DNAH2: variants seen among roughly 807,000 people sequenced by gnomAD.
DNAH2 encodes axonemal beta dynein heavy chain 2.
A neutral mutation model predicts 523.5 loss-of-function variants in DNAH2; 323 were observed. The ratio of observed to expected loss-of-function variants is 0.62; its 90% CI spans 0.56 to 0.68. The LOEUF is 0.68. Ranked by LOEUF, DNAH2 falls within the 30% of genes least tolerant of loss-of-function variation. The pLI is 0.00. For missense variants in DNAH2, 4,907 were observed against 5,701.5 expected (o/e 0.86, Z 4.49); for synonymous variants, 2,093 against 2,177.4 (o/e 0.96, Z 1.08).
intron 76 of DNAH2, 21 bp from the exon 77 acceptor site, chr17:7,824,516 G>T: frequency 6.6e-7 from 1 of 1,520,066 alleles, no homozygotes; most frequent in South Asian, 1.3e-5. Context: ...GATTCCCACT[G>T]ACCCTGGCAT....
intron 13 of DNAH2, 105 bp from the exon 14 acceptor site, chr17:7,758,390 A>G: frequency 7.2e-7 from 1 of 1,384,802 alleles, no homozygotes; most frequent in Non-Finnish European, 9.7e-7. Context: ...TCTAGAATCT[A>G]GACTAGTGGT....
chr17:7,794,363 G>A lies in DNAH2; in HGVS notation c.7674+5G>A. The A allele has an allele frequency of 6.2e-7, 1 of 1,603,740 alleles. No individual in the cohort carries two copies. The highest frequency in any genetic ancestry group is 8.5e-7 in the Non-Finnish European group (1 of 1,175,034). ...ATCAACATGACCTTCCCCACAGTGA[G>A]GACCTCATGGGGGCTGCAGGACGAG... On this transcript the variant is annotated splice_donor_5th_base_variant and intron_variant, in intron 49 of 85. Coordinates refer to ENST00000572933, the MANE Select transcript of DNAH2 (RefSeq NM_020877.5).
rs894266482 is a variant in DNAH2 at position 7,778,402 on chromosome 17, T to C, written c.5474T>C (p.Ile1825Thr). ...DLGKALGIYV[I>T]VVNCSEGLDY... Reference sequence around the variant, plus strand: ...GGCAAGGCCCTGGGCATATATGTCATTGTGGTCAACTGCTCTGAGGGCCTG... The same window carrying C: ...GGCAAGGCCCTGGGCATATATGTCACTGTGGTCAACTGCTCTGAGGGCCTG... The change falls in exon 35 of 86, where the codon ATT (isoleucine) becomes ACT (threonine). Residue 1825 changes from isoleucine to threonine, a missense_variant. This residue lies in a region of DNAH2 where 2,806 missense variants were observed against 3,190.8 expected (regional missense o/e 0.88). Transcript: ENST00000572933. The C allele has an allele frequency of 2.5e-6, 4 of 1,614,052 alleles. 1 individual carries two copies. The South Asian group carries it at 3.3e-5, about 13-fold the overall frequency.
rs1283429185 is a variant in DNAH2, at chr17:7,764,193, G to A, written c.3256G>A (p.Ala1086Thr). The A allele has an allele frequency of 1.3e-5, 21 of 1,614,050 alleles. No individual in the cohort carries two copies. The highest frequency in any genetic ancestry group is 1.6e-5 in the Non-Finnish European group (19 of 1,180,032). The change falls in exon 20 of 86, where the codon GCC becomes ACC. Residue 1086 changes from alanine (A) to threonine (T), a missense_variant. Physicochemically the swap from Ala to Thr is moderately conservative, Grantham distance 58 (BLOSUM62 0). Transcript: ENST00000572933. ...CGTGGATGCCCTGAAGCACGACTTG[G>A]CCAACGTGGAGACTCAGATCCCTCC... Reference protein sequence around the residue: ...QLVDALKHDLANVETQIPPIH... With the variant: ...QLVDALKHDLTNVETQIPPIH...
chr17:7,746,924 T>G (rs1030306782), intron 12 of DNAH2, among the ~76,000 whole-genome samples: 1 of 150,660 alleles, frequency 6.6e-6, no homozygotes, highest in African/African-American at 2.4e-5. Context: ...GAGGCGGAGG[T>G]TGCAGTGAGC....
Position 7,818,786 on chromosome 17 carries a change from T to C in DNAH2, c.10670+10T>C, listed in dbSNP as rs1177905688. On this transcript the variant is annotated intron_variant, in intron 70 of 85. Transcript: ENST00000572933. ...AGGATGAGATCCTGCGGTGAGGCCC[T>C]GCCTTCCCCTCCCACTGCCCCACGG... 2 of 1,613,836 alleles carry C rather than the reference T, an allele frequency of 1.2e-6. No individual in the cohort carries two copies. The highest frequency in any genetic ancestry group is 2.7e-5 in the African/African-American group (2 of 74,888).
At chr17:7,751,920 G>GGGGTAT (rs111751776) in intron 12 of DNAH2, among the ~76,000 whole-genome samples, 1 of 145,876 alleles carries the variant, frequency 6.9e-6, no homozygotes, top group African/African-American at 2.5e-5. Context: ...ATAGTTGTGG[G>GGGGTAT]GTGTGTGTGT....
chr17:7,823,377 A>G, intron 73 of DNAH2, 65 bp from the exon 74 acceptor site: 2 of 1,490,068 alleles, frequency 1.3e-6, no homozygotes, highest in South Asian at 1.2e-5. Context: ...GAGAGGAGAA[A>G]AAGATCACTC....
At position 7,733,001 on chromosome 17, in the gene DNAH2, G is replaced by A. The variant is rs1275819153; in HGVS notation, c.400-86G>A. On this transcript the variant is annotated intron_variant, in intron 4 of 85. Coordinates refer to ENST00000572933, the MANE Select transcript of DNAH2 (RefSeq NM_020877.5). ...GAAGGATCAGGATACCCTGAGGGAC[G>A]TGAGAAAGAACTCAGCCGGGCTTTT... 19 of 1,363,762 alleles carry A rather than the reference G, an allele frequency of 1.4e-5. No homozygotes were observed. In the East Asian group the frequency reaches 2.3e-4, roughly 17 times the overall value. The allele number at this position is 1,363,762 out of a possible 1,614,324, so 84.5% of individuals were successfully genotyped here. A position where few individuals can be genotyped will look rare whatever the true frequency, so the allele number is the denominator to read the frequency against.
Position 7,780,732 on chromosome 17 carries a change from C to T in DNAH2, c.5953C>T (p.Arg1985Cys), listed in dbSNP as rs911689759. The T allele has an allele frequency of 8.1e-6, 13 of 1,614,094 alleles. No individual in the cohort carries two copies. Among genetic ancestry groups the T allele is most frequent in the Middle Eastern group, 1.6e-4 (1 of 6,084 alleles). The change falls in exon 38 of 86, where the codon CGC becomes TGC. Residue 1985 changes from arginine to cysteine, a missense_variant. Coordinates refer to ENST00000572933, the MANE Select transcript of DNAH2 (RefSeq NM_020877.5). The surrounding 1 kb of genome is among the most constrained non-coding windows in gnomAD (Gnocchi z 4.4). ...FGLRALTSLL[R>C]YAGKKRRLQP... ...CCTGCGTGCCCTCACCTCCCTTCTG[C>T]GCTATGCTGGCAAGAAGCGCCGCCT...
At chr17:7,806,009 TGTAA>T (rs1473784675) in intron 61 of DNAH2, among the ~76,000 whole-genome samples, 2 of 152,244 alleles carry the variant, frequency 1.3e-5, no homozygotes, top group African/African-American at 2.4e-5. Context: ...ATTATTTGGT[TGTAA>T]GTAACAGAAA....
intron 61 of DNAH2, among the ~76,000 whole-genome samples, chr17:7,806,658 C>CAAAAAAAAAA (rs66460228): frequency 1.7e-5 from 1 of 60,564 alleles, no homozygotes; most frequent in African/African-American, 6.4e-5. Flanking sequence ...CACTCCATCT[C>CAAAAAAAAAA]AAAAAAAAAA....
Position 7,804,354 on chromosome 17 carries a change from T to A in DNAH2, c.9071T>A (p.Met3024Lys). Reference sequence around the variant, plus strand: ...GAAACTAGGGAAAAGGTGCAAGTGATGTCGTTGGAGCTGGAGGATGCCAAG... The same window carrying A: ...GAAACTAGGGAAAAGGTGCAAGTGAAGTCGTTGGAGCTGGAGGATGCCAAG... ...IDETREKVQV[M>K]SLELEDAKKK... is the part of the protein sequence containing the mutation. Residue 3024 changes from methionine to lysine, a missense_variant, in exon 59 of 86, where the codon ATG becomes AAG. By Grantham distance (95) the Met-to-Lys change is moderately conservative. This residue lies in a region of DNAH2 where 1,851 missense variants were observed against 2,139.4 expected (regional missense o/e 0.87). Transcript: ENST00000572933. The A allele has an allele frequency of 1.2e-6, 2 of 1,614,128 alleles. No individual in the cohort carries two copies. Among genetic ancestry groups the A allele is most frequent in the Non-Finnish European group, 1.7e-6 (2 of 1,180,020 alleles).
intron 12 of DNAH2, 75 bp from the exon 13 acceptor site, chr17:7,757,016 C>G: frequency 6.3e-7 from 1 of 1,592,772 alleles, no homozygotes; most frequent in Middle Eastern, 1.9e-4. Flanking sequence ...TTCCCAGCCT[C>G]TCCACCTGTT....
chr17:7,815,749 C>T (rs537693868), intron 63 of DNAH2, among the ~76,000 whole-genome samples: 1 of 151,884 alleles, frequency 6.6e-6, no homozygotes, highest in Non-Finnish European at 1.5e-5. Context: ...CACACATATA[C>T]AGGATCACAC....
At chr17:7,719,980 G>T in intron 2 of DNAH2, 80 bp downstream of exon 2, 5 of 1,416,726 alleles carry the variant, frequency 3.5e-6, no homozygotes, top group Non-Finnish European at 4.6e-6. Context: ...TTTTAGGGCT[G>T]GGGAGCAGGC....
chr17:7,784,076 T>C (rs2076672925), intron 39 of DNAH2, among the ~76,000 whole-genome samples: 1 of 152,122 alleles, frequency 6.6e-6, no homozygotes. Flanking sequence ...GGTAGCAATA[T>C]GGGACAACAG....
chr17:7,818,822 A>G, intron 70 of DNAH2, 46 bp downstream of exon 70: 1 of 1,612,330 alleles, frequency 6.2e-7, no homozygotes, highest in Non-Finnish European at 8.5e-7. Flanking sequence ...GTCTACTCCC[A>G]GCCAGCCTCC....
intron 63 of DNAH2, among the ~76,000 whole-genome samples, chr17:7,808,305 A>G (rs2151305608): frequency 6.7e-6 from 1 of 149,158 alleles, no homozygotes; most frequent in East Asian, 2.0e-4. Flanking sequence ...CAGGAGGTGG[A>G]GGTTGCAGTG....
Sources: gnomAD v4.1 joint callset for allele counts (sites outside exome capture counted in the v4.1 genomes callset) on GRCh38, gnomAD v4.1.1 for gene constraint, gnomAD v4.1.1 regional missense constraint, Gnocchi (gnomAD v3.1) non-coding constraint, MANE v1.5 for transcripts, NCBI Gene and HGNC (gene_info 2026-07-23, HGNC 2026-07-21) for gene names.